The following GRIK1 variants were observed in gnomAD, a reference collection of about 807,000 sequenced individuals.
GRIK1 encodes the protein glutamate ionotropic receptor kainate type subunit 1, also known as glutamate receptor ionotropic, kainate 1.
GRIK1 carries 69 observed loss-of-function variants against 105.7 expected under a neutral mutation model. That is an observed-to-expected ratio of 0.65 (90% confidence interval 0.54 to 0.80). GRIK1 has a LOEUF of 0.80. Ranked by LOEUF, GRIK1 falls within the 30% of genes least tolerant of loss-of-function variation. The pLI is 0.00. For synonymous variants in GRIK1, 438 were observed against 431.3 expected, an observed-to-expected ratio of 1.02 and a Z score of -0.19; for missense variants, 1,109 against 1,167.3, an observed-to-expected ratio of 0.95 and a Z score of 0.73.
At position 29,902,231 on chromosome 21, in the gene GRIK1, C is replaced by T. The variant is rs530603233; in HGVS notation, c.118+37152G>A. Among the ~76,000 whole-genome samples the T allele has an allele frequency of 8.5e-5, 13 of 152,194 alleles. No homozygotes were observed. The East Asian group carries it at 9.6e-4, about 11-fold the overall frequency. ...ACCTGGAAGCATTTCCTTTGAAAACCGGCATAAGACAAGGATGTCCTCTCT... is the reference window on the plus strand; with the variant it reads ...ACCTGGAAGCATTTCCTTTGAAAACTGGCATAAGACAAGGATGTCCTCTCT... On this transcript the variant is annotated intron_variant, in intron 1 of 17. Coordinates refer to ENST00000327783, the MANE Select transcript of GRIK1 (RefSeq NM_001330994.2).
At chr21:29,824,811 A>C (rs903605693) in intron 1 of GRIK1, among the ~76,000 whole-genome samples, 8 of 152,014 alleles carry the variant, frequency 5.3e-5, no homozygotes, top group African/African-American at 1.9e-4. Flanking sequence ...AAGAAGACAA[A>C]GAACAGCCGG....
chr21:29,930,971 A>G (rs1204583807), intron 1 of GRIK1, among the ~76,000 whole-genome samples: 1 of 152,154 alleles, frequency 6.6e-6, no homozygotes, highest in Non-Finnish European at 1.5e-5. Context: ...AAACCTTGAC[A>G]TGGGTTGAAT....
chr21:29,656,439 C>CACA (rs2062856687), intron 4 of GRIK1, among the ~76,000 whole-genome samples: 1 of 145,500 alleles, frequency 6.9e-6, no homozygotes, highest in South Asian at 2.2e-4. Context: ...TAGTTTTCCG[C>CACA]ACAACTCTGG....
chr21:29,734,158 C>A (rs115400397), intron 1 of GRIK1, among the ~76,000 whole-genome samples: 1 of 151,872 alleles, frequency 6.6e-6, no homozygotes, highest in Non-Finnish European at 1.5e-5. Flanking sequence ...TCTGAAGAGG[C>A]TTATAAATAA....
intron 1 of GRIK1, among the ~76,000 whole-genome samples, chr21:29,770,802 G>A (rs2065794915): frequency 6.6e-6 from 1 of 152,184 alleles, no homozygotes; most frequent in African/African-American, 2.4e-5. Flanking sequence ...ATGCTTTCAT[G>A]AGAAATTCAT....
intron 16 of GRIK1, among the ~76,000 whole-genome samples, chr21:29,545,216 C>T (rs948433679): frequency 3.9e-5 from 6 of 152,236 alleles, no homozygotes; most frequent in African/African-American, 1.4e-4. Flanking sequence ...AGAGATATTC[C>T]TGCAGTGAGG....
At position 29,739,113 on chromosome 21, in the gene GRIK1, G is replaced by A. The variant is rs369075537; in HGVS notation, c.119-45050C>T. ...AAATTATAGTACATTGGAGAAAAAGGACATTAAAAATATAATATAATGACA... is the reference window on the plus strand; with the variant it reads ...AAATTATAGTACATTGGAGAAAAAGAACATTAAAAATATAATATAATGACA... On this transcript the variant is annotated intron_variant, in intron 1 of 17. Transcript: ENST00000327783. 2.0e-5 allele frequency among the ~76,000 whole-genome samples: 3 copies of A among 152,262 alleles called. No homozygotes were observed. The East Asian group carries it at 5.8e-4, about 29-fold the overall frequency.
chr21:29,712,430 C>A (rs901322005), intron 1 of GRIK1, among the ~76,000 whole-genome samples: 2 of 151,534 alleles, frequency 1.3e-5, no homozygotes, highest in South Asian at 2.1e-4. Context: ...GAATATGTTC[C>A]TTTTTAAGGA....
chr21:29,897,239 G>A (rs931353714), intron 1 of GRIK1, among the ~76,000 whole-genome samples: 2 of 152,248 alleles, frequency 1.3e-5, no homozygotes, highest in South Asian at 2.1e-4. Flanking sequence ...TAGCTAGTTC[G>A]GTGGCAGGTG....
At chr21:29,897,908 T>A (rs2070231898) in intron 1 of GRIK1, among the ~76,000 whole-genome samples, 1 of 152,336 alleles carries the variant, frequency 6.6e-6, no homozygotes, top group South Asian at 2.1e-4. Context: ...CTGCCATATC[T>A]TATCTTATAG....
intron 1 of GRIK1, among the ~76,000 whole-genome samples, chr21:29,911,707 G>A (rs931216014): frequency 2.6e-5 from 4 of 151,836 alleles, no homozygotes; most frequent in Admixed American, 1.3e-4. Flanking sequence ...TCATAAAAGG[G>A]GCCCCAGAGA....
At position 29,904,314 on chromosome 21, in the gene GRIK1, T is replaced by C. The variant is rs190282139; in HGVS notation, c.118+35069A>G. Reference sequence around the variant, plus strand: ...AACTCAAAATATTGTGGACACTTTTTTTTGGGAAAAAAAAGGACTCAAATA... The same window carrying C: ...AACTCAAAATATTGTGGACACTTTTCTTTGGGAAAAAAAAGGACTCAAATA... On this transcript the variant is annotated intron_variant, in intron 1 of 17. Transcript: ENST00000327783. Among the ~76,000 whole-genome samples, 220 of 143,116 alleles carry C rather than the reference T, an allele frequency of 1.5e-3. 2 individuals are homozygous for C. Among genetic ancestry groups the C allele is most frequent in the Non-Finnish European group, 2.3e-3 (151 of 66,458 alleles). The allele number at this position is 143,116 out of a possible 152,430, so 93.9% of individuals were successfully genotyped here.
intron 13 of GRIK1, among the ~76,000 whole-genome samples, chr21:29,580,112 C>CAT (rs199860747): frequency 0.067 from 9,221 of 138,418 alleles, 570 homozygotes; most frequent in African/African-American, 0.17. Context: ...TGTATATATA[C>CAT]ATATATACAC....
intron 1 of GRIK1, among the ~76,000 whole-genome samples, chr21:29,837,026 C>G (rs2067827185): frequency 6.6e-6 from 1 of 152,192 alleles, no homozygotes; most frequent in Non-Finnish European, 1.5e-5. Flanking sequence ...GCACTTGGGA[C>G]CCTTCACCGT....
intron 9 of GRIK1, among the ~76,000 whole-genome samples, chr21:29,593,468 C>G (rs1463530544): frequency 6.6e-6 from 1 of 152,232 alleles, no homozygotes; most frequent in African/African-American, 2.4e-5. Context: ...GGCAGGGACC[C>G]TTGCTTCTAG....
At chr21:29,624,671 G>A (rs1019532166) in intron 7 of GRIK1, among the ~76,000 whole-genome samples, 1 of 152,184 alleles carries the variant, frequency 6.6e-6, no homozygotes, top group African/African-American at 2.4e-5. Flanking sequence ...TTCTTAAGCT[G>A]CACATAGAGG....
At chr21:29,733,498 CCCT>C (rs1901683861) in intron 1 of GRIK1, among the ~76,000 whole-genome samples, 2 of 151,692 alleles carry the variant, frequency 1.3e-5, no homozygotes, top group African/African-American at 4.8e-5. Context: ...CATCCTAATC[CCCT>C]AATTTTTTTT....
At chr21:29,625,153 C>T (rs1478426487) in intron 7 of GRIK1, among the ~76,000 whole-genome samples, 1 of 152,178 alleles carries the variant, frequency 6.6e-6, no homozygotes, top group Non-Finnish European at 1.5e-5. Context: ...ATATAAAGCA[C>T]ATCGTAATAT....
chr21:29,578,761 G>GGT (rs1197002273), intron 13 of GRIK1, among the ~76,000 whole-genome samples: 3 of 151,766 alleles, frequency 2.0e-5, no homozygotes, highest in Non-Finnish European at 4.4e-5. Flanking sequence ...TATGCCTGTG[G>GGT]GTGTGTGTGT....
Sources: allele counts gnomAD v4.1 joint callset (sites outside exome capture counted in the v4.1 genomes callset), GRCh38; gene constraint gnomAD v4.1.1; transcripts MANE v1.5; gene names NCBI Gene and HGNC (gene_info 2026-07-23, HGNC 2026-07-21).